The following MAF variants were observed in gnomAD, a reference collection of about 807,000 sequenced individuals.
The protein encoded by MAF is transcription factor Maf.
In MAF, 10 loss-of-function variants were observed where a neutral mutation model predicts 22.0. The observed-to-expected ratio is 0.45, with a 90% CI of 0.28 to 0.77. The LOEUF is 0.77. Ranked by LOEUF, MAF falls within the 30% of genes least tolerant of loss-of-function variation. MAF has a pLI of 0.12. For synonymous variants in MAF, 337 were observed against 255.8 expected, an observed-to-expected ratio of 1.32 and a Z score of -3.03; for missense variants, 544 against 548.4, an observed-to-expected ratio of 0.99 and a Z score of 0.08.
the MAF span, among the ~76,000 whole-genome samples, chr16:79,465,767 C>T: frequency 6.6e-6 from 1 of 152,050 alleles, no homozygotes; most frequent in African/African-American, 2.4e-5. Context: ...TCCTCTCCAG[C>T]AAAGAGGGAG....
At chr16:79,220,966 C>T in the MAF span, among the ~76,000 whole-genome samples, 1 of 152,156 alleles carries the variant, frequency 6.6e-6, no homozygotes, top group Admixed American at 6.5e-5. Flanking sequence ...CGTCTGGAAC[C>T]AAGACAGAAG....
chr16:79,281,783 G>C, the MAF span, among the ~76,000 whole-genome samples: 1 of 152,152 alleles, frequency 6.6e-6, no homozygotes. Flanking sequence ...TTGACCTTGT[G>C]ATCTGCCTGC....
At chr16:79,452,634 C>G in the MAF span, among the ~76,000 whole-genome samples, 1 of 152,142 alleles carries the variant, frequency 6.6e-6, no homozygotes. Flanking sequence ...AATCGTGCAT[C>G]AGACTTGCTA....
the MAF span, chr16:79,205,210 GGT>G: frequency 6.6e-6 from 1 of 152,202 alleles, no homozygotes; most frequent in Non-Finnish European, 1.5e-5. Flanking sequence ...TTGTGGTTGT[GGT>G]CTGTGCTTGA....
chr16:79,254,494 G>T, the MAF span, among the ~76,000 whole-genome samples: 1 of 152,102 alleles, frequency 6.6e-6, no homozygotes, highest in Non-Finnish European at 1.5e-5. Context: ...GTGAATACAT[G>T]ATTTTTATTA....
chr16:79,504,247 T>C, the MAF span, among the ~76,000 whole-genome samples: 1 of 152,204 alleles, frequency 6.6e-6, no homozygotes, highest in South Asian at 2.1e-4. Flanking sequence ...AAATGCCTAA[T>C]AGGAGTCATC....
At chr16:79,369,624 C>A in the MAF span, among the ~76,000 whole-genome samples, 1 of 152,172 alleles carries the variant, frequency 6.6e-6, no homozygotes, top group African/African-American at 2.4e-5. Context: ...GAGTTTGTGT[C>A]GATGGAAGCA....
the MAF span, among the ~76,000 whole-genome samples, chr16:79,467,281 C>T: frequency 1.3e-5 from 2 of 152,188 alleles, no homozygotes; most frequent in Non-Finnish European, 2.9e-5. Flanking sequence ...CAGTCTCTCA[C>T]TGCCTCAATC....
At chr16:79,390,302 C>T in the MAF span, among the ~76,000 whole-genome samples, 6 of 151,946 alleles carry the variant, frequency 3.9e-5, no homozygotes, top group African/African-American at 7.3e-5. Flanking sequence ...TTTTTTTCAC[C>T]GACAGAGATG....
chr16:79,455,366 A>T, the MAF span, among the ~76,000 whole-genome samples: 1 of 152,182 alleles, frequency 6.6e-6, no homozygotes, highest in Admixed American at 6.5e-5. Context: ...TTGTGCCATG[A>T]ATTATTAGGT....
chr16:79,396,349 T>C, the MAF span, among the ~76,000 whole-genome samples: 1 of 152,114 alleles, frequency 6.6e-6, no homozygotes, highest in Admixed American at 6.5e-5. Flanking sequence ...ATTAAAACTC[T>C]AGAAGAAAAA....
the MAF span, among the ~76,000 whole-genome samples, chr16:79,441,488 G>T: frequency 6.6e-6 from 1 of 152,178 alleles, no homozygotes; most frequent in African/African-American, 2.4e-5. Flanking sequence ...CAGACAACAG[G>T]TGAATACATG....
chr16:79,215,145 T>A, the MAF span, among the ~76,000 whole-genome samples: 1 of 152,226 alleles, frequency 6.6e-6, no homozygotes, highest in Non-Finnish European at 1.5e-5. Context: ...GAGCTGCAGT[T>A]CACACCCAGG....
At chr16:79,591,070 G>C (rs901871257), downstream of MAF, among the ~76,000 whole-genome samples, 24 of 152,160 alleles carry the variant, frequency 1.6e-4, no homozygotes, top group African/African-American at 5.3e-4. Flanking sequence ...TGGAAGGAGA[G>C]TGATTTTCTC....
the MAF span, among the ~76,000 whole-genome samples, chr16:79,268,071 A>G: frequency 6.6e-6 from 1 of 152,100 alleles, no homozygotes; most frequent in Non-Finnish European, 1.5e-5. Context: ...CTCTCACTGA[A>G]CATCTTTACT....
chr16:79,290,014 G>A, the MAF span, among the ~76,000 whole-genome samples: 28,559 of 151,492 alleles, frequency 0.19, 3,150 homozygotes, highest in East Asian at 0.54. Context: ...CTGCCACCAC[G>A]CCCAACTAAT....
the MAF span, among the ~76,000 whole-genome samples, chr16:79,291,780 A>G: frequency 6.8e-6 from 1 of 147,102 alleles, no homozygotes; most frequent in Non-Finnish European, 1.5e-5. Flanking sequence ...AGTACATACT[A>G]GATGGTAGGA....
the MAF span, among the ~76,000 whole-genome samples, chr16:79,406,674 T>A: frequency 6.6e-6 from 1 of 151,846 alleles, no homozygotes; most frequent in South Asian, 2.1e-4. Flanking sequence ...TTGTGGGGAG[T>A]GGGGCATCAA....
the MAF span, among the ~76,000 whole-genome samples, chr16:79,527,120 C>G: frequency 4.6e-5 from 7 of 152,164 alleles, no homozygotes; most frequent in African/African-American, 1.7e-4. Context: ...AGCTGTGTGT[C>G]ATTTGTGGTT....
Sources: allele counts gnomAD v4.1 joint callset (sites outside exome capture counted in the v4.1 genomes callset), GRCh38; gene constraint gnomAD v4.1.1; transcripts MANE v1.5; gene names NCBI Gene and HGNC (gene_info 2026-07-23, HGNC 2026-07-21).